PDE6C: variants seen among roughly 807,000 people sequenced by gnomAD.
The protein encoded by PDE6C is cone cGMP-specific 3',5'-cyclic phosphodiesterase subunit alpha'.
In PDE6C, 75 loss-of-function variants were observed where a neutral mutation model predicts 113.1. The observed-to-expected ratio is 0.66, with a 90% confidence interval of 0.55 to 0.80. The LOEUF is 0.80. Ranked by LOEUF, PDE6C falls within the 30% of genes least tolerant of loss-of-function variation. The probability of loss-of-function intolerance (pLI) is 0.00; values close to 1 mark genes in which losing one functional copy is unlikely to be tolerated. For missense variants in PDE6C, 912 were observed against 1,038.6 expected, an observed-to-expected ratio of 0.88 and a Z score of 1.67; for synonymous variants, 375 against 363.7, an observed-to-expected ratio of 1.03 and a Z score of -0.35.
chr10:93,659,838 A>G (rs763669609), intron 18 of PDE6C, among the ~76,000 whole-genome samples: 4 of 152,206 alleles, frequency 2.6e-5, no homozygotes, highest in Admixed American at 2.0e-4. Flanking sequence ...ATCAGGATGC[A>G]TCGTTAGTGT....
Position 93,612,691 on chromosome 10 carries a change from C to A in PDE6C, c.-35C>A. 1 of 1,612,672 alleles carries A rather than the reference C, an allele frequency of 6.2e-7. No homozygotes were observed. The highest frequency in any genetic ancestry group is 8.5e-7 in the Non-Finnish European group (1 of 1,180,030). ...CCTCAGGTAGTGCTCTGAAGGTCGT[C>A]CTTTCTGAACAAACGCAGCAAAGCA... On this transcript the variant is annotated 5_prime_UTR_variant, in exon 1 of 22. Coordinates refer to ENST00000371447, the MANE Select transcript of PDE6C (RefSeq NM_006204.4).
intron 18 of PDE6C, among the ~76,000 whole-genome samples, chr10:93,660,103 T>G (rs1177434060): frequency 6.6e-6 from 1 of 152,064 alleles, no homozygotes; most frequent in Non-Finnish European, 1.5e-5. Context: ...ACTATAAAAG[T>G]GGGTTGTATC....
intron 15 of PDE6C, among the ~76,000 whole-genome samples, chr10:93,653,078 C>T (rs1278706493): frequency 6.6e-6 from 1 of 152,066 alleles, no homozygotes; most frequent in Non-Finnish European, 1.5e-5. Flanking sequence ...ACATAATAAA[C>T]ATCACTTTGG....
chr10:93,648,235 T>G (rs2058593667), intron 15 of PDE6C, among the ~76,000 whole-genome samples: 1 of 152,204 alleles, frequency 6.6e-6, no homozygotes, highest in African/African-American at 2.4e-5. Context: ...AAAGACTTAT[T>G]ATTCTTTCTA....
At chr10:93,663,477 T>C (rs1462890759) in intron 21 of PDE6C, among the ~76,000 whole-genome samples, 3 of 152,184 alleles carry the variant, frequency 2.0e-5, no homozygotes, top group African/African-American at 7.2e-5. Context: ...TTAGGGATAA[T>C]ATGTAAACTA....
intron 7 of PDE6C, among the ~76,000 whole-genome samples, 198 bp from the exon 8 acceptor site, chr10:93,629,060 G>A (rs1383966748): frequency 2.0e-5 from 3 of 152,186 alleles, no homozygotes; most frequent in Non-Finnish European, 4.4e-5. Flanking sequence ...ATCCTCCAGT[G>A]ATTTAATTAG....
chr10:93,640,465 A>T lies in PDE6C; in HGVS notation c.1645A>T (p.Met549Leu). ...KVPVEVLTRW[M>L]YTVRKGYRAV... ...CTTCTTTTAGGTTCTTACCAGATGG[A>T]TGTACACTGTGAGGAAAGGGTACCG... is the stretch of plus-strand genomic sequence containing the variant. The change falls in exon 13 of 22, where the codon ATG becomes TTG. Residue 549 changes from methionine (M) to leucine (L), a missense_variant. By Grantham distance (15) the Met-to-Leu change is conservative. Coordinates refer to ENST00000371447, the MANE Select transcript of PDE6C (RefSeq NM_006204.4). 1 of 1,611,862 alleles carries T rather than the reference A, an allele frequency of 6.2e-7. No individual in the cohort carries two copies. Among genetic ancestry groups the T allele is most frequent in the Admixed American group, 1.7e-5 (1 of 60,000 alleles).
At chr10:93,629,174 T>C in intron 7 of PDE6C, 84 bp from the exon 8 acceptor site, 1 of 1,129,596 alleles carries the variant, frequency 8.9e-7, no homozygotes, top group South Asian at 1.2e-5. Flanking sequence ...TCACTCCCAA[T>C]GCGTTCTTTC....
chr10:93,636,581 T>C (rs1038854755), intron 10 of PDE6C, among the ~76,000 whole-genome samples: 1 of 152,090 alleles, frequency 6.6e-6, no homozygotes, highest in Non-Finnish European at 1.5e-5. Context: ...TCATTTTTTC[T>C]TTCCTACATG....
At chr10:93,653,831 C>G (rs1434474429) in intron 15 of PDE6C, among the ~76,000 whole-genome samples, 1 of 152,072 alleles carries the variant, frequency 6.6e-6, no homozygotes, top group African/African-American at 2.4e-5. Flanking sequence ...CACAATTTTC[C>G]CTTCTATTAC....
chr10:93,662,260 C>T (rs1004123415), intron 19 of PDE6C, 127 bp downstream of exon 19: 3 of 732,318 alleles, frequency 4.1e-6, no homozygotes, highest in East Asian at 2.7e-5. Context: ...GTCAAAAGAT[C>T]GAGACCATCC....
At chr10:93,621,065 T>C in intron 3 of PDE6C, 85 bp downstream of exon 3, 1 of 1,112,290 alleles carries the variant, frequency 9.0e-7, no homozygotes, top group Non-Finnish European at 1.4e-6. Flanking sequence ...CCCCTCCTAT[T>C]CCTCCTGGGG....
At chr10:93,648,451 G>A (rs2058594548) in intron 15 of PDE6C, among the ~76,000 whole-genome samples, 1 of 151,968 alleles carries the variant, frequency 6.6e-6, no homozygotes, top group Middle Eastern at 3.2e-3. Flanking sequence ...TACATTTTGG[G>A]GAGACAATGT....
chr10:93,633,850 A>AGAC (rs1205874541), intron 8 of PDE6C, among the ~76,000 whole-genome samples: 8 of 152,322 alleles, frequency 5.3e-5, no homozygotes, highest in African/African-American at 1.9e-4. Context: ...GGTAAGAAGC[A>AGAC]CTTCCCATCA....
At chr10:93,622,118 T>A (rs749038969) in intron 4 of PDE6C, 46 bp downstream of exon 4, 5 of 1,552,310 alleles carry the variant, frequency 3.2e-6, no homozygotes, top group Admixed American at 1.7e-5. Context: ...ATCGCCTATA[T>A]AACACACACC....
intron 3 of PDE6C, among the ~76,000 whole-genome samples, chr10:93,621,680 A>G (rs550422262): frequency 6.6e-6 from 1 of 152,300 alleles, no homozygotes; most frequent in South Asian, 2.1e-4. Context: ...TGGAGCCAAA[A>G]CATCTAGACA....
chr10:93,653,285 G>A (rs1391282151), intron 15 of PDE6C, among the ~76,000 whole-genome samples: 1 of 152,134 alleles, frequency 6.6e-6, no homozygotes, highest in Non-Finnish European at 1.5e-5. Context: ...CCTGTATCCA[G>A]ATTTGATTCA....
chr10:93,639,870 A>T (rs377714015), intron 11 of PDE6C, among the ~76,000 whole-genome samples, 200 bp from the exon 12 acceptor site: 53 of 152,340 alleles, frequency 3.5e-4, no homozygotes, highest in Middle Eastern at 3.4e-3. Flanking sequence ...CATCACCTGT[A>T]AAATGGAGAT....
At chr10:93,619,505 C>T (rs549103330) in intron 1 of PDE6C, among the ~76,000 whole-genome samples, 33 of 152,322 alleles carry the variant, frequency 2.2e-4, no homozygotes, top group African/African-American at 7.9e-4. Context: ...TGGCTTACTG[C>T]AACCTCTGTC....
Sources: allele counts gnomAD v4.1 joint callset (sites outside exome capture counted in the v4.1 genomes callset), GRCh38; gene constraint gnomAD v4.1.1; transcripts MANE v1.5; gene names NCBI Gene and HGNC (gene_info 2026-07-23, HGNC 2026-07-21).